The following XPO7 variants were observed in gnomAD, a reference collection of about 807,000 sequenced individuals.
The protein encoded by XPO7 is exportin-7.
Under a neutral mutation model 144.3 loss-of-function variants are expected in XPO7, and 21 were observed. That is an observed-to-expected ratio of 0.15 (90% CI 0.10 to 0.21). The LOEUF (loss-of-function observed/expected upper bound fraction) is 0.21, where lower values mean the gene tolerates loss of function less well. XPO7 is among the 10% of genes least tolerant of loss of function. The probability of loss-of-function intolerance (pLI) is 1.00; values close to 1 mark genes in which losing one functional copy is unlikely to be tolerated. For synonymous variants in XPO7, 580 were observed against 499.6 expected (o/e 1.16, Z -2.15); for missense variants, 808 against 1,325.8 (o/e 0.61, Z 6.06).
chr8:21,982,429 C>A (rs1426181340), intron 10 of XPO7, among the ~76,000 whole-genome samples: 1 of 152,070 alleles, frequency 6.6e-6, no homozygotes, highest in Non-Finnish European at 1.5e-5. Flanking sequence ...GCTTACACAG[C>A]CAGCATAGAG....
At chr8:21,950,408 G>C (rs957370971) in intron 1 of XPO7, among the ~76,000 whole-genome samples, 1 of 152,074 alleles carries the variant, frequency 6.6e-6, no homozygotes, top group African/African-American at 2.4e-5. Flanking sequence ...GCTAATTTTT[G>C]TTCTTCTAAA....
intron 6 of XPO7, 120 bp downstream of exon 6, chr8:21,974,894 T>C (rs1812177680): frequency 2.0e-5 from 16 of 784,720 alleles, no homozygotes; most frequent in Non-Finnish European, 3.2e-5. Context: ...TGTTTAATCA[T>C]CATCTCTTAT....
At chr8:21,969,803 CTTCA>C (rs1356530899) in intron 3 of XPO7, 51 of 554,054 alleles carry the variant, frequency 9.2e-5, no homozygotes, top group Non-Finnish European at 1.3e-4. Context: ...CGGGAGATTT[CTTCA>C]TTCATCTTTT....
intron 10 of XPO7, 137 bp from the exon 11 acceptor site, chr8:21,982,503 A>G: frequency 1.0e-6 from 1 of 984,082 alleles, no homozygotes; most frequent in Non-Finnish European, 1.4e-6. Context: ...TAGATGCCAT[A>G]CACAGAACAA....
Position 22,002,238 on chromosome 8 carries a change from A to G in XPO7, c.2909A>G (p.His970Arg), listed in dbSNP as rs1439104760. ...PLNQESDRFLHIMQQHPEMIQ... is the reference protein window; with the variant it reads ...PLNQESDRFLRIMQQHPEMIQ... ...AACCAGGAGAGCGACCGCTTTCTGC[A>G]CATCATGCAGCAGCATCCAGAGATG... Residue 970 changes from histidine to arginine, a missense_variant, in exon 25 of 28, where the codon CAC (histidine) becomes CGC (arginine). Physicochemically the swap from His to Arg is conservative, Grantham distance 29. Coordinates refer to ENST00000252512, the MANE Select transcript of XPO7 (RefSeq NM_015024.5). 1 of 1,613,194 alleles carries G rather than the reference A, an allele frequency of 6.2e-7. No individual in the cohort carries two copies. Among genetic ancestry groups the G allele is most frequent in the Non-Finnish European group, 8.5e-7 (1 of 1,179,632 alleles).
In XPO7 at chr8:21,987,398, A is replaced by T. The variant is rs1456679595; in HGVS notation, c.1713+122A>T. The T allele has an allele frequency of 1.3e-5, 18 of 1,372,378 alleles. No homozygotes were observed. In the African/African-American group the frequency reaches 2.5e-4, roughly 19 times the overall value. The allele number at this position is 1,372,378 out of a possible 1,614,324, so 85.0% of individuals were successfully genotyped here. On this transcript the variant is annotated intron_variant, in intron 14 of 27. Coordinates refer to ENST00000252512, the MANE Select transcript of XPO7 (RefSeq NM_015024.5). ...GATTTCACGTAATAGGACAGTCCAA[A>T]TGTTTTCTCTTAGTCTTTAAATTCT...
At chr8:21,927,382 T>G (rs914959265) in intron 1 of XPO7, among the ~76,000 whole-genome samples, 1 of 152,148 alleles carries the variant, frequency 6.6e-6, no homozygotes, top group South Asian at 2.1e-4. Context: ...AGCAGAATGT[T>G]GTGAGCAAGA....
chr8:21,951,119 G>C lies in XPO7; in HGVS notation c.19-15738G>C, dbSNP rs1200829424. 4.6e-5 allele frequency among the ~76,000 whole-genome samples: 7 copies of C among 151,626 alleles called. No individual in the cohort carries two copies. The East Asian group carries it at 1.2e-3, about 25-fold the overall frequency. On this transcript the variant is annotated intron_variant, in intron 1 of 27. Transcript: ENST00000252512. Reference sequence around the variant, plus strand: ...ATTAATTAATTAATTAATTAATTAAGGAAGTACCTAGCACAGGGATCAGCA... The same window carrying C: ...ATTAATTAATTAATTAATTAATTAACGAAGTACCTAGCACAGGGATCAGCA...
rs370704126 is a variant in XPO7, at chr8:21,980,013, TG to T, written c.838-69del. ...TCCTAAAGAAGGATATTGTAGGAGG[TG>T]GAACGTTTCTGGTGAAAGTAACTGT... On this transcript the variant is annotated intron_variant, in intron 8 of 27. Transcript: ENST00000252512. The T allele has an allele frequency of 1.4e-5, 20 of 1,430,498 alleles. No individual in the cohort carries two copies. In the African/African-American group the frequency reaches 1.6e-4, roughly 11 times the overall value. The allele number at this position is 1,430,498 out of a possible 1,614,324, so 88.6% of individuals were successfully genotyped here.
chr8:21,923,560 C>A (rs536019369), intron 1 of XPO7, among the ~76,000 whole-genome samples: 3 of 151,988 alleles, frequency 2.0e-5, no homozygotes, highest in African/African-American at 7.3e-5. Flanking sequence ...TCCTGAGAAG[C>A]CTTGAGAAAA....
chr8:21,984,247 C>G (rs1812502966), intron 11 of XPO7, among the ~76,000 whole-genome samples: 1 of 152,046 alleles, frequency 6.6e-6, no homozygotes, highest in Non-Finnish European at 1.5e-5. Context: ...GTTCTGAATT[C>G]CAAGACACAC....
intron 1 of XPO7, among the ~76,000 whole-genome samples, chr8:21,925,479 G>T (rs989826438): frequency 6.6e-6 from 1 of 152,174 alleles, no homozygotes. Flanking sequence ...CTGATTAAAA[G>T]ACCTGGTATC....
chr8:21,927,553 T>C (rs1156816965), intron 1 of XPO7, among the ~76,000 whole-genome samples: 1 of 150,306 alleles, frequency 6.7e-6, no homozygotes, highest in African/African-American at 2.5e-5. Context: ...TTTTTTTTTT[T>C]TTTTTTCTTA....
chr8:21,933,032 T>C (rs986721029), intron 1 of XPO7, among the ~76,000 whole-genome samples: 15 of 152,158 alleles, frequency 9.9e-5, no homozygotes, highest in African/African-American at 3.4e-4. Flanking sequence ...CTGCCGGGAT[T>C]ATAGGCATAT....
intron 1 of XPO7, among the ~76,000 whole-genome samples, chr8:21,921,131 A>G (rs922552548): frequency 6.6e-5 from 10 of 152,212 alleles, no homozygotes; most frequent in Non-Finnish European, 1.0e-4. Flanking sequence ...GTAAAAGTTG[A>G]TACAAGGAGA....
intron 11 of XPO7, among the ~76,000 whole-genome samples, 163 bp from the exon 12 acceptor site, chr8:21,984,483 C>G (rs1218175817): frequency 6.6e-6 from 1 of 152,216 alleles, no homozygotes; most frequent in Non-Finnish European, 1.5e-5. Context: ...AGACATTGGC[C>G]TTCTGCCTCA....
At chr8:21,924,020 G>A (rs1810378430) in intron 1 of XPO7, among the ~76,000 whole-genome samples, 1 of 152,144 alleles carries the variant, frequency 6.6e-6, no homozygotes, top group South Asian at 2.1e-4. Flanking sequence ...TTGGTTCAGG[G>A]TCTCATTTGC....
intron 1 of XPO7, among the ~76,000 whole-genome samples, chr8:21,951,504 A>G (rs116694849): frequency 0.048 from 7,323 of 152,180 alleles, 342 homozygotes; most frequent in South Asian, 0.16. Flanking sequence ...CCTGTTTCCC[A>G]TGTAATGGAA....
Position 21,946,640 on chromosome 8 carries a change from AT to A in XPO7, c.19-20196del, listed in dbSNP as rs61593432. Reference sequence around the variant, plus strand: ...AGAAGTTCCACATATGCAAAACAGGATTTTTTTTTTTTTTTTTTTTTGACGG... The same window carrying A: ...AGAAGTTCCACATATGCAAAACAGGATTTTTTTTTTTTTTTTTTTTGACGG... On this transcript the variant is annotated intron_variant, in intron 1 of 27. Transcript: ENST00000252512. Among the ~76,000 whole-genome samples, 391 of 122,654 alleles carry A rather than the reference AT, an allele frequency of 3.2e-3. 4 individuals are homozygous for A. Among genetic ancestry groups the A allele is most frequent in the South Asian group, 0.025 (94 of 3,780 alleles). The allele number at this position is 122,654 out of a possible 152,430, so 80.5% of individuals were successfully genotyped here. A position where few individuals can be genotyped will look rare whatever the true frequency, so the allele number is the denominator to read the frequency against.
Sources: allele counts gnomAD v4.1 joint callset (sites outside exome capture counted in the v4.1 genomes callset), GRCh38; gene constraint gnomAD v4.1.1; transcripts MANE v1.5; gene names NCBI Gene and HGNC (gene_info 2026-07-23, HGNC 2026-07-21).